The following LRP1B variants were observed in gnomAD, a reference collection of about 807,000 sequenced individuals.
The protein encoded by LRP1B is LDL receptor related protein 1B.
A neutral mutation model predicts 556.6 loss-of-function variants in LRP1B; 217 were observed. The observed-to-expected ratio is 0.39, with a 90% CI of 0.35 to 0.44. The LOEUF is 0.44. Among genes scored for constraint, LRP1B ranks in the 20% least tolerant of loss-of-function variants. LRP1B has a pLI of 1.00. For synonymous variants in LRP1B, 2,047 were observed against 1,865.8 expected (o/e 1.10, Z -2.50); for missense variants, 5,053 against 5,620.8 (o/e 0.90, Z 3.23).
At chr2:140,323,047 G>T (rs975508510) in intron 81 of LRP1B, among the ~76,000 whole-genome samples, 2 of 151,962 alleles carry the variant, frequency 1.3e-5, no homozygotes, top group Admixed American at 1.3e-4. Flanking sequence ...GGTTTTATCT[G>T]TTGTGAGAAG....
intron 2 of LRP1B, among the ~76,000 whole-genome samples, chr2:141,513,862 G>A (rs549658205): frequency 1.3e-5 from 2 of 152,280 alleles, no homozygotes; most frequent in South Asian, 2.1e-4. Context: ...TGGACTGGTC[G>A]TGGAGGAAGT....
intron 1 of LRP1B, among the ~76,000 whole-genome samples, chr2:141,916,313 C>T (rs2104962957): frequency 6.6e-6 from 1 of 151,976 alleles, no homozygotes; most frequent in South Asian, 2.1e-4. Flanking sequence ...AGAGAATTAA[C>T]ACAGGAATAG....
At chr2:141,430,315 G>A (rs555794851) in intron 3 of LRP1B, among the ~76,000 whole-genome samples, 1 of 152,110 alleles carries the variant, frequency 6.6e-6, no homozygotes, top group South Asian at 2.1e-4. Flanking sequence ...TTTAATTAAT[G>A]TTCAATATCT....
intron 21 of LRP1B, among the ~76,000 whole-genome samples, chr2:140,920,624 C>T (rs1177872799): frequency 6.6e-6 from 1 of 151,914 alleles, no homozygotes; most frequent in Non-Finnish European, 1.5e-5. Context: ...TTAATGACTG[C>T]AATGTTCATT....
intron 1 of LRP1B, among the ~76,000 whole-genome samples, chr2:141,818,188 A>G (rs1045273301): frequency 1.2e-4 from 18 of 152,208 alleles, no homozygotes; most frequent in African/African-American, 3.6e-4. Context: ...CAGACAATGA[A>G]TTCATTACCA....
chr2:140,926,331 T>A (rs1279733108), intron 20 of LRP1B, among the ~76,000 whole-genome samples: 2 of 152,066 alleles, frequency 1.3e-5, no homozygotes, highest in Non-Finnish European at 2.9e-5. Context: ...TGTCACCTAT[T>A]AATGTCCATG....
intron 11 of LRP1B, among the ~76,000 whole-genome samples, chr2:141,043,360 G>A (rs1202217260): frequency 6.6e-6 from 1 of 151,860 alleles, no homozygotes. Flanking sequence ...ACGACTTGAA[G>A]TAGATGAATT....
chr2:141,695,555 C>T (rs1170516425), intron 2 of LRP1B, among the ~76,000 whole-genome samples: 3 of 151,922 alleles, frequency 2.0e-5, no homozygotes, highest in African/African-American at 7.2e-5. Flanking sequence ...CATTTTCATG[C>T]TCTTGATATG....
intron 32 of LRP1B, among the ~76,000 whole-genome samples, chr2:140,810,095 A>C (rs1690865416): frequency 6.6e-6 from 1 of 152,190 alleles, no homozygotes; most frequent in Non-Finnish European, 1.5e-5. Flanking sequence ...GTCATCAAAT[A>C]ATTGCTTTAT....
intron 60 of LRP1B, among the ~76,000 whole-genome samples, chr2:140,461,774 C>G (rs895913888): frequency 6.6e-6 from 1 of 151,886 alleles, no homozygotes; most frequent in African/African-American, 2.4e-5. Context: ...GCAGAGGTTG[C>G]AGTGAGCTGT....
intron 1 of LRP1B, among the ~76,000 whole-genome samples, chr2:142,041,770 G>C (rs1000310562): frequency 4.6e-5 from 7 of 151,474 alleles, no homozygotes; most frequent in African/African-American, 1.7e-4. Context: ...CTGAAATTTA[G>C]TGATTAAGAA....
At chr2:140,338,799 T>G (rs1681228060) in intron 77 of LRP1B, among the ~76,000 whole-genome samples, 1 of 151,618 alleles carries the variant, frequency 6.6e-6, no homozygotes, top group South Asian at 2.1e-4. Context: ...AGAGCTAAGC[T>G]ACTTGCCTTA....
At chr2:141,448,242 C>T (rs547017843) in intron 3 of LRP1B, among the ~76,000 whole-genome samples, 12 of 152,254 alleles carry the variant, frequency 7.9e-5, no homozygotes, top group African/African-American at 2.2e-4. Flanking sequence ...ACTCAAGCCT[C>T]AGTAATGTTG....
intron 1 of LRP1B, among the ~76,000 whole-genome samples, chr2:141,923,393 ATC>A (rs1186647777): frequency 2.7e-5 from 1 of 37,304 alleles, no homozygotes; most frequent in African/African-American, 7.4e-5. Flanking sequence ...TAATGAAATT[ATC>A]TCTGTCACTA....
chr2:141,745,161 C>G (rs985837920), intron 2 of LRP1B, among the ~76,000 whole-genome samples: 4 of 152,084 alleles, frequency 2.6e-5, no homozygotes, highest in Non-Finnish European at 4.4e-5. Context: ...AGCACTGGGT[C>G]TCACCCAAGG....
intron 71 of LRP1B, among the ~76,000 whole-genome samples, chr2:140,370,322 T>C (rs536680411): frequency 1.3e-5 from 2 of 152,140 alleles, no homozygotes; most frequent in African/African-American, 4.8e-5. Context: ...GTTGTTCCTA[T>C]GCTTTCAGAG....
chr2:142,107,794 ATT>A (rs67962280), intron 1 of LRP1B, among the ~76,000 whole-genome samples: 4,983 of 110,606 alleles, frequency 0.045, 69 homozygotes, highest in African/African-American at 0.082. Context: ...CGCCTAGCTA[ATT>A]TTTTTTTTTT....
intron 25 of LRP1B, among the ~76,000 whole-genome samples, chr2:140,871,965 C>A (rs1693143221): frequency 6.6e-6 from 1 of 150,638 alleles, no homozygotes; most frequent in Admixed American, 6.6e-5. Context: ...AAGCTAACAT[C>A]CAAGAGGTGT....
intron 2 of LRP1B, among the ~76,000 whole-genome samples, chr2:141,682,197 G>A (rs189395163): frequency 1.8e-3 from 281 of 152,050 alleles, no homozygotes; most frequent in African/African-American, 6.5e-3. Flanking sequence ...GCTAGAGATC[G>A]GATAGAGATG....
Sources: allele counts gnomAD v4.1 joint callset (sites outside exome capture counted in the v4.1 genomes callset), GRCh38; gene constraint gnomAD v4.1.1; transcripts MANE v1.5; gene names NCBI Gene and HGNC (gene_info 2026-07-23, HGNC 2026-07-21).